Variants in SAXO1 observed in about 807,000 individuals in gnomAD.
SAXO1 encodes 4930500O09Rik.
In SAXO1, 21 loss-of-function variants were observed where a neutral mutation model predicts 17.5. The observed-to-expected ratio is 1.20, with a 90% CI of 0.85 to 1.72. The LOEUF (loss-of-function observed/expected upper bound fraction) is 1.72. SAXO1 is among the 40% of genes most tolerant of loss of function. The pLI, the probability that SAXO1 is intolerant of heterozygous loss-of-function variation, is 0.00. For missense variants in SAXO1, 843 were observed against 596.0 expected, an observed-to-expected ratio of 1.41 and a Z score of -4.32; for synonymous variants, 274 against 216.5, an observed-to-expected ratio of 1.27 and a Z score of -2.33.
chr9:19,046,082 CA>C (rs57919139), intron 1 of SAXO1, among the ~76,000 whole-genome samples: 121 of 55,396 alleles, frequency 2.2e-3, no homozygotes, highest in East Asian at 7.0e-3. Context: ...AACTCCGTCT[CA>C]AAAAAAAAAA....
At chr9:19,042,155 A>C (rs1371475339) in intron 1 of SAXO1, among the ~76,000 whole-genome samples, 1 of 152,242 alleles carries the variant, frequency 6.6e-6, no homozygotes, top group African/African-American at 2.4e-5. Flanking sequence ...ATTTCTCAAA[A>C]GACAACATAC....
chr9:19,001,700 G>C (rs1287720391), intron 1 of SAXO1, among the ~76,000 whole-genome samples: 1 of 150,934 alleles, frequency 6.6e-6, no homozygotes, highest in South Asian at 2.1e-4. Flanking sequence ...AAACCAATGA[G>C]AACAAAGACA....
intron 1 of SAXO1, among the ~76,000 whole-genome samples, chr9:19,030,123 G>C (rs575716651): frequency 6.6e-6 from 1 of 152,268 alleles, no homozygotes; most frequent in South Asian, 2.1e-4. Flanking sequence ...AGTGAAACCG[G>C]GCCTTACAAG....
Position 18,997,670 on chromosome 9 carries a change from C to A in SAXO1, c.38+35201G>T, listed in dbSNP as rs556481812. Among the ~76,000 whole-genome samples the A allele has an allele frequency of 3.0e-3, 460 of 152,342 alleles. 8 individuals are homozygous for A. The South Asian group carries it at 0.044, about 15-fold the overall frequency. ...GGACAGACTGCTTCCTTAAGTGGGT[C>A]CCTGACCCCCATGTAGCCTGACTGG... On this transcript the variant is annotated intron_variant, in intron 1 of 3. Coordinates refer to ENST00000380534, the MANE Select transcript of SAXO1 (RefSeq NM_153707.4).
At chr9:18,995,912 T>C (rs1183736859) in intron 1 of SAXO1, among the ~76,000 whole-genome samples, 1 of 151,968 alleles carries the variant, frequency 6.6e-6, no homozygotes, top group Non-Finnish European at 1.5e-5. Flanking sequence ...AAACCCCATC[T>C]TACCAAAAAT....
At chr9:19,025,360 C>G (rs1195280574) in intron 1 of SAXO1, among the ~76,000 whole-genome samples, 1 of 151,978 alleles carries the variant, frequency 6.6e-6, no homozygotes, top group Non-Finnish European at 1.5e-5. Flanking sequence ...GAAACCAAGT[C>G]CTCAATTTTT....
chr9:19,027,361 G>A lies in SAXO1; in HGVS notation c.38+5510C>T. 5.1e-6 allele frequency: 4 copies of A among 777,674 alleles called. No homozygotes were observed. The South Asian group carries it at 5.5e-5, about 11-fold the overall frequency. 48.2% of individuals were successfully genotyped at this position (777,674 alleles called of 1,614,324 possible). A position where few individuals can be genotyped will look rare whatever the true frequency, so the allele number is the denominator to read the frequency against. The stretch of plus-strand genomic sequence containing the variant: ...CCCAGAGTACGACTCGCGGGTGAAG[G>A]CCACAGAGGTGGATGAGAGACCCAC... On this transcript the variant is annotated intron_variant, in intron 1 of 3. Coordinates refer to ENST00000380534, the MANE Select transcript of SAXO1 (RefSeq NM_153707.4).
At chr9:18,945,005 C>G (rs963217728) in intron 2 of SAXO1, among the ~76,000 whole-genome samples, 1 of 152,210 alleles carries the variant, frequency 6.6e-6, no homozygotes, top group African/African-American at 2.4e-5. Context: ...TCTCGGGAAT[C>G]TCATCTGCAG....
rs550043359 is a variant in SAXO1, at chr9:18,967,954, T to G, written c.39-17017A>C. On this transcript the variant is annotated intron_variant, in intron 1 of 3. Transcript: ENST00000380534. ...GTGTAGTATCTGGGCCAGATAGCAC[T>G]GTCCTTCACGACACAGTCCCTCACA... Among the ~76,000 whole-genome samples, 6 of 152,318 alleles carry G rather than the reference T, an allele frequency of 3.9e-5. No homozygotes were observed. The South Asian group carries it at 1.2e-3, about 32-fold the overall frequency.
At chr9:18,963,683 A>G (rs1832588795) in intron 1 of SAXO1, among the ~76,000 whole-genome samples, 2 of 152,158 alleles carry the variant, frequency 1.3e-5, no homozygotes, top group Non-Finnish European at 2.9e-5. Flanking sequence ...AAGCTTAAAG[A>G]GTTTTGGGGC....
chr9:18,934,529 A>G (rs1831204197), intron 3 of SAXO1, among the ~76,000 whole-genome samples: 1 of 152,124 alleles, frequency 6.6e-6, no homozygotes, highest in South Asian at 2.1e-4. Flanking sequence ...ATTTCCTGTT[A>G]CTGATACTCT....
At chr9:18,957,214 C>T (rs1236958693) in intron 1 of SAXO1, among the ~76,000 whole-genome samples, 1 of 152,214 alleles carries the variant, frequency 6.6e-6, no homozygotes, top group Non-Finnish European at 1.5e-5. Flanking sequence ...TTTAACTCCA[C>T]TCCTCTTTAA....
rs58271886 is a variant in SAXO1, at chr9:18,999,829, G to A, written c.38+33042C>T. On this transcript the variant is annotated intron_variant, in intron 1 of 3. Coordinates refer to ENST00000380534, the MANE Select transcript of SAXO1 (RefSeq NM_153707.4). ...CCGGCTGTCCCACTGTCTGGGAAGT[G>A]AGGAGCGCCTCTGCCCAGCCGCCAC... is the stretch of plus-strand genomic sequence containing the variant. Among the ~76,000 whole-genome samples, 781 of 146,776 alleles carry A rather than the reference G, an allele frequency of 5.3e-3. 2 individuals are homozygous for A. The highest frequency in any genetic ancestry group is 0.019 in the African/African-American group (732 of 39,010).
rs148826549 is a variant in SAXO1, at chr9:19,012,856, G to C, written c.38+20015C>G. Among the ~76,000 whole-genome samples, 1,278 of 152,266 alleles carry C rather than the reference G, an allele frequency of 8.4e-3. 19 individuals are homozygous for C. The highest frequency in any genetic ancestry group is 0.029 in the African/African-American group (1,217 of 41,552). On this transcript the variant is annotated intron_variant, in intron 1 of 3. Transcript: ENST00000380534. ...CTGTATTAGCCAGGTTAATATTAAGGGAGGCGCTGCGGAGCTCAGGGGGCT... is the reference window on the plus strand; with the variant it reads ...CTGTATTAGCCAGGTTAATATTAAGCGAGGCGCTGCGGAGCTCAGGGGGCT...
chr9:18,947,168 G>T (rs993273646), intron 2 of SAXO1, among the ~76,000 whole-genome samples: 1 of 152,214 alleles, frequency 6.6e-6, no homozygotes, highest in Non-Finnish European at 1.5e-5. Context: ...AGGCTATGGA[G>T]GCTAAGTATA....
At chr9:19,032,580 C>T (rs1442426884) in intron 1 of SAXO1, among the ~76,000 whole-genome samples, 1 of 152,246 alleles carries the variant, frequency 6.6e-6, no homozygotes, top group Non-Finnish European at 1.5e-5. Context: ...TTGGCTGACA[C>T]TTTCTGGGCT....
chr9:19,037,221 C>T (rs1337143198), upstream of SAXO1, among the ~76,000 whole-genome samples: 2 of 152,138 alleles, frequency 1.3e-5, no homozygotes, highest in Admixed American at 6.6e-5. Flanking sequence ...AAGGGACTTG[C>T]CTTGTCTCAG....
At chr9:18,964,704 T>G (rs187404483) in intron 1 of SAXO1, among the ~76,000 whole-genome samples, 1 of 152,166 alleles carries the variant, frequency 6.6e-6, no homozygotes. Flanking sequence ...TTCTAAAAAC[T>G]AGTTCCTGGA....
At chr9:18,953,071 G>C (rs1372764803) in intron 1 of SAXO1, among the ~76,000 whole-genome samples, 3 of 152,174 alleles carry the variant, frequency 2.0e-5, no homozygotes, top group Admixed American at 6.5e-5. Context: ...AAGCCAACTA[G>C]TACCCTATCA....
Sources: gnomAD v4.1 joint callset for allele counts (sites outside exome capture counted in the v4.1 genomes callset) on GRCh38, gnomAD v4.1.1 for gene constraint, MANE v1.5 for transcripts, NCBI Gene and HGNC (gene_info 2026-07-23, HGNC 2026-07-21) for gene names.